CSF1: variants seen among roughly 807,000 people sequenced by gnomAD.
CSF1 encodes colony stimulating factor 1.
Under a neutral mutation model 48.9 loss-of-function variants are expected in CSF1, and 9 were observed. The ratio of observed to expected loss-of-function variants is 0.18; its 90% CI spans 0.11 to 0.32. The LOEUF is 0.32. CSF1 is among the 10% of genes least tolerant of loss of function. CSF1 has a pLI of 1.00. For synonymous variants in CSF1, 305 were observed against 284.1 expected (o/e 1.07, Z -0.74); for missense variants, 672 against 697.9 (o/e 0.96, Z 0.42).
upstream of CSF1, chr1:109,910,840 C>A: frequency 4.0e-6 from 1 of 247,964 alleles, no homozygotes; most frequent in Non-Finnish European, 7.1e-6. Context: ...GTGCCGAGGG[C>A]TGGCCAGTGA....
At chr1:109,920,016 G>A (rs1012698001) in intron 4 of CSF1, among the ~76,000 whole-genome samples, 1 of 151,682 alleles carries the variant, frequency 6.6e-6, no homozygotes, top group Non-Finnish European at 1.5e-5. Context: ...AGCAGCTGTC[G>A]CACTGATGAT....
In CSF1 at chr1:109,924,836, C is replaced by A; in HGVS notation, c.1622+8C>A. 1.2e-6 allele frequency: 2 copies of A among 1,605,310 alleles called. No individual in the cohort carries two copies. Among genetic ancestry groups the A allele is most frequent in the Non-Finnish European group, 1.7e-6 (2 of 1,175,714 alleles). On this transcript the variant is annotated splice_region_variant and intron_variant, in intron 7 of 8. Transcript: ENST00000329608. ...GGAGCAACCAGAGGGCAGGTGAGAGCTTGAGGTGGGGCTCTGGGAGGCACT... is the reference window on the plus strand; with the variant it reads ...GGAGCAACCAGAGGGCAGGTGAGAGATTGAGGTGGGGCTCTGGGAGGCACT...
In CSF1 at chr1:109,924,759, C is replaced by G; in HGVS notation, c.1570-17C>G. Reference sequence around the variant, plus strand: ...ACTCCCCCAGCTCCTCAGTGAGATGCTCTTTCCTGTCCTCAGAGCCATCAA... The same window carrying G: ...ACTCCCCCAGCTCCTCAGTGAGATGGTCTTTCCTGTCCTCAGAGCCATCAA... On this transcript the variant is annotated splice_polypyrimidine_tract_variant and intron_variant, in intron 6 of 8. Transcript: ENST00000329608. 6.3e-7 allele frequency: 1 copy of G among 1,575,766 alleles called. No homozygotes were observed. The highest frequency in any genetic ancestry group is 1.2e-5 in the South Asian group (1 of 85,784).
At chr1:109,912,171 C>T (rs778218236) in intron 1 of CSF1, among the ~76,000 whole-genome samples, 4 of 151,704 alleles carry the variant, frequency 2.6e-5, no homozygotes, top group African/African-American at 7.3e-5. Flanking sequence ...AGCAAAGCTT[C>T]GGGGCTGAAG....
rs1648035481 is a variant in CSF1, at chr1:109,930,742, C to T, written c.*1904C>T. 1 of 152,204 alleles carries T rather than the reference C, an allele frequency of 6.6e-6. No homozygotes were observed. The highest frequency in any genetic ancestry group is 1.5e-5 in the Non-Finnish European group (1 of 68,032). The allele number at this position is 152,204 out of a possible 1,614,324, so 9.4% of individuals were successfully genotyped here. ...AAAGCAATCCAACCCACTGCAGAAG[C>T]TCTTTTTGAGCACTTGGTGGCATCA... On this transcript the variant is annotated 3_prime_UTR_variant, in exon 9 of 9. Transcript: ENST00000329608.
intron 1 of CSF1, among the ~76,000 whole-genome samples, chr1:109,911,349 G>A (rs1254881995): frequency 6.6e-6 from 1 of 152,174 alleles, no homozygotes; most frequent in South Asian, 2.1e-4. Flanking sequence ...GCAGGCAGGA[G>A]CCCCCGCTCA....
At chr1:109,911,388 C>T (rs1047449402) in intron 1 of CSF1, among the ~76,000 whole-genome samples, 1 of 152,226 alleles carries the variant, frequency 6.6e-6, no homozygotes, top group African/African-American at 2.4e-5. Context: ...TCTCCCTACC[C>T]GCCACCACCA....
chr1:109,925,243 A>C, intron 8 of CSF1, 41 bp downstream of exon 8: 1 of 1,559,444 alleles, frequency 6.4e-7, no homozygotes, highest in East Asian at 2.2e-5. Flanking sequence ...AAACTTACCT[A>C]TACCCTTTTC....
At chr1:109,925,295 C>T in intron 8 of CSF1, 93 bp downstream of exon 8, 1 of 1,032,602 alleles carries the variant, frequency 9.7e-7, no homozygotes, top group Non-Finnish European at 1.5e-6. Context: ...CCCCTGAGGC[C>T]CCCACACTGA....
chr1:109,911,141 C>G (rs1222556054), intron 1 of CSF1, 79 bp downstream of exon 1: 1 of 891,932 alleles, frequency 1.1e-6, no homozygotes, highest in African/African-American at 1.8e-5. Flanking sequence ...AGCGGCCCCT[C>G]GGAGCCGACA....
At chr1:109,915,117 G>T (rs1005812969) in intron 2 of CSF1, among the ~76,000 whole-genome samples, 2 of 152,226 alleles carry the variant, frequency 1.3e-5, no homozygotes, top group African/African-American at 4.8e-5. Flanking sequence ...CGCCTCTCTT[G>T]CCCCAGCACT....
upstream of CSF1, chr1:109,910,830 G>T: frequency 4.2e-6 from 1 of 236,440 alleles, no homozygotes; most frequent in Non-Finnish European, 7.8e-6. Context: ...TTAAAAGGCT[G>T]TGCCGAGGGC....
Position 109,917,414 on chromosome 1 carries a change from C to G in CSF1, c.347C>G (p.Ser116Cys), listed in dbSNP as rs749549913. ...AIAIVQLQEL[S>C]LRLKSCFTKD... ...GCCATTGTGCAGCTGCAGGAACTCTCTTTGAGGCTGAAGAGCTGCTTCACC... is the reference window on the plus strand; with the variant it reads ...GCCATTGTGCAGCTGCAGGAACTCTGTTTGAGGCTGAAGAGCTGCTTCACC... The change falls in exon 4 of 9, where the codon TCT becomes TGT. Residue 116 changes from serine (S) to cysteine (C), a missense_variant. Ser to Cys is a moderately radical substitution (Grantham distance 112). This residue lies in a region of CSF1 where 591 missense variants were observed against 593.6 expected (regional missense o/e 1.00). Coordinates refer to ENST00000329608, the MANE Select transcript of CSF1 (RefSeq NM_000757.6). 1 of 1,614,104 alleles carries G rather than the reference C, an allele frequency of 6.2e-7. No homozygotes were observed. Among genetic ancestry groups the G allele is most frequent in the Non-Finnish European group, 8.5e-7 (1 of 1,180,054 alleles).
intron 3 of CSF1, among the ~76,000 whole-genome samples, chr1:109,915,949 A>T (rs1000582076): frequency 1.3e-5 from 2 of 152,198 alleles, no homozygotes; most frequent in Non-Finnish European, 2.9e-5. Context: ...TGACAGTACC[A>T]CTATGTGGTA....
chr1:109,912,254 T>C (rs76155025), intron 1 of CSF1, among the ~76,000 whole-genome samples: 1,896 of 152,248 alleles, frequency 0.012, 54 homozygotes, highest in African/African-American at 0.044. Context: ...GGCCCGGTTC[T>C]GCCAGGTCTC....
At chr1:109,919,614 A>C (rs1235803348) in intron 4 of CSF1, among the ~76,000 whole-genome samples, 1 of 152,132 alleles carries the variant, frequency 6.6e-6, no homozygotes, top group African/African-American at 2.4e-5. Flanking sequence ...AATGTGTTGA[A>C]AATGCATATT....
Position 109,924,841 on chromosome 1 carries a change from G to C in CSF1, c.1622+13G>C. On this transcript the variant is annotated intron_variant, in intron 7 of 8. Coordinates refer to ENST00000329608, the MANE Select transcript of CSF1 (RefSeq NM_000757.6). ...AACCAGAGGGCAGGTGAGAGCTTGA[G>C]GTGGGGCTCTGGGAGGCACTGGGGG... 6.2e-7 allele frequency: 1 copy of C among 1,604,856 alleles called. No individual in the cohort carries two copies. Among genetic ancestry groups the C allele is most frequent in the Non-Finnish European group, 8.5e-7 (1 of 1,175,480 alleles).
At position 109,923,487 on chromosome 1, in the gene CSF1, C is replaced by G; in HGVS notation, c.866C>G (p.Pro289Arg). 1.9e-6 allele frequency: 3 copies of G among 1,614,044 alleles called. No individual in the cohort carries two copies. The highest frequency in any genetic ancestry group is 2.5e-6 in the Non-Finnish European group (3 of 1,180,018). Reference protein sequence around the residue: ...QPRPSVGAFNPGMEDILDSAM... With the variant: ...QPRPSVGAFNRGMEDILDSAM... ...CGCCCCTCTGTCGGGGCCTTCAACC[C>G]CGGGATGGAGGATATTCTTGACTCT... Residue 289 changes from proline (P) to arginine (R), a missense_variant, in exon 6 of 9, where the codon CCC becomes CGC. Transcript: ENST00000329608.
At chr1:109,915,525 A>G in intron 2 of CSF1, 109 bp from the exon 3 acceptor site, 1 of 890,022 alleles carries the variant, frequency 1.1e-6, no homozygotes, top group Non-Finnish European at 1.9e-6. Context: ...GCAGGGATGA[A>G]GTTCAAACCC....
Sources: allele counts gnomAD v4.1 joint callset (sites outside exome capture counted in the v4.1 genomes callset), GRCh38; gene constraint gnomAD v4.1.1; regional missense constraint gnomAD v4.1.1; transcripts MANE v1.5; gene names NCBI Gene and HGNC (gene_info 2026-07-23, HGNC 2026-07-21).